Variants in NRXN1 observed in about 807,000 individuals in gnomAD.
NRXN1 encodes neurexin-1.
A neutral mutation model predicts 150.9 loss-of-function variants in NRXN1; 39 were observed. That is an observed-to-expected ratio of 0.26 (90% CI 0.20 to 0.34). The LOEUF (loss-of-function observed/expected upper bound fraction) is 0.34. NRXN1 is among the 10% of genes least tolerant of loss of function. The pLI is 1.00. For missense variants in NRXN1, 1,815 were observed against 1,949.9 expected, an observed-to-expected ratio of 0.93 and a Z score of 1.30; for synonymous variants, 924 against 757.0, an observed-to-expected ratio of 1.22 and a Z score of -3.62.
In NRXN1 at chr2:50,634,049, C is replaced by T. The variant is rs150880532; in HGVS notation, c.833-10434G>A. On this transcript the variant is annotated intron_variant, in intron 5 of 22. Transcript: ENST00000401669. ...CCAGTGAGCATTGAGCACAGTGACA[C>T]TGGGGCAATGTGGGAATACAATGAA... Among the ~76,000 whole-genome samples the T allele has an allele frequency of 2.3e-3, 349 of 152,278 alleles. 2 individuals are homozygous for T. Among genetic ancestry groups the T allele is most frequent in the African/African-American group, 8.0e-3 (333 of 41,564 alleles).
chr2:50,033,426 G>T (rs1449919666), intron 21 of NRXN1, among the ~76,000 whole-genome samples: 1 of 152,098 alleles, frequency 6.6e-6, no homozygotes, highest in African/African-American at 2.4e-5. Flanking sequence ...CTAGCCATAT[G>T]AAGAAGATTG....
At chr2:50,199,414 T>C (rs893788240) in intron 18 of NRXN1, 1 of 152,050 alleles carries the variant, frequency 6.6e-6, no homozygotes, top group Non-Finnish European at 1.5e-5. Flanking sequence ...CCCACCAAAA[T>C]ATAATTTGCT....
intron 21 of NRXN1, among the ~76,000 whole-genome samples, chr2:50,042,693 C>CA: frequency 3.2e-3 from 1 of 316 alleles, no homozygotes; most frequent in African/African-American, 0.013. Context: ...AGCATACACA[C>CA]ATTAAGACAA....
chr2:50,936,705 C>T (rs1314259035), intron 2 of NRXN1, among the ~76,000 whole-genome samples: 2 of 151,988 alleles, frequency 1.3e-5, no homozygotes, highest in Non-Finnish European at 2.9e-5. Context: ...AAAGTGTCAT[C>T]GTTTTTTTAA....
At chr2:50,259,702 G>A (rs1373608263) in intron 17 of NRXN1, among the ~76,000 whole-genome samples, 2 of 151,642 alleles carry the variant, frequency 1.3e-5, no homozygotes, top group Non-Finnish European at 2.9e-5. Flanking sequence ...CACATGAATT[G>A]GCTTTATCTG....
intron 8 of NRXN1, among the ~76,000 whole-genome samples, chr2:50,577,489 T>C (rs569887802): frequency 6.6e-6 from 1 of 152,244 alleles, no homozygotes; most frequent in African/African-American, 2.4e-5. Flanking sequence ...TAAGATCACA[T>C]TATATATGGA....
intron 17 of NRXN1, among the ~76,000 whole-genome samples, chr2:50,329,100 A>G (rs956464357): frequency 6.6e-6 from 1 of 152,212 alleles, no homozygotes; most frequent in Admixed American, 6.5e-5. Context: ...CTAAACATTA[A>G]TAGCACCATA....
intron 17 of NRXN1, among the ~76,000 whole-genome samples, chr2:50,251,335 T>C (rs1408835358): frequency 6.6e-6 from 1 of 150,508 alleles, no homozygotes; most frequent in Non-Finnish European, 1.5e-5. Context: ...TCCAGCTCCA[T>C]CCATGTCTCT....
intron 5 of NRXN1, among the ~76,000 whole-genome samples, chr2:50,754,431 A>G (rs1013725857): frequency 6.6e-6 from 1 of 151,878 alleles, no homozygotes; most frequent in Non-Finnish European, 1.5e-5. Context: ...TTGATTCCTT[A>G]TCTTCTAAAA....
chr2:50,342,868 C>T (rs912447550), intron 17 of NRXN1, among the ~76,000 whole-genome samples: 1 of 152,226 alleles, frequency 6.6e-6, no homozygotes, highest in African/African-American at 2.4e-5. Context: ...CATCTGGCTC[C>T]GTCTTTTGGC....
chr2:50,984,426 T>A (rs1007197292), intron 2 of NRXN1, among the ~76,000 whole-genome samples: 1 of 152,046 alleles, frequency 6.6e-6, no homozygotes, highest in Non-Finnish European at 1.5e-5. Flanking sequence ...AATATTTATG[T>A]GGTCCATTAC....
chr2:50,701,477 C>A (rs1228602232), intron 5 of NRXN1, among the ~76,000 whole-genome samples: 1 of 152,156 alleles, frequency 6.6e-6, no homozygotes, highest in Non-Finnish European at 1.5e-5. Flanking sequence ...GAAAATTAAA[C>A]CTTTTGCCTA....
chr2:49,945,287 A>G (rs1672693762), intron 21 of NRXN1: 1 of 152,056 alleles, frequency 6.6e-6, no homozygotes, highest in Non-Finnish European at 1.5e-5. Context: ...TTTATTGACA[A>G]AGTTATTCAT....
intron 10 of NRXN1, among the ~76,000 whole-genome samples, chr2:50,535,160 G>A (rs148960780): frequency 1.3e-3 from 201 of 152,258 alleles, no homozygotes; most frequent in African/African-American, 4.6e-3. Flanking sequence ...CCAAATAAAT[G>A]GTAAACAACA....
Position 50,971,257 on chromosome 2 carries a change from T to C in NRXN1, c.773-45302A>G, listed in dbSNP as rs1000727167. ...AAACATAATGCTTGTTAGTGTCAAG[T>C]GGCTGAAATTCGATGATTCCAATTT... On this transcript the variant is annotated intron_variant, in intron 2 of 22. Transcript: ENST00000401669. Among the ~76,000 whole-genome samples the C allele has an allele frequency of 3.9e-5, 6 of 152,242 alleles. No homozygotes were observed. The East Asian group carries it at 1.2e-3, about 29-fold the overall frequency.
rs189311945 is a variant in NRXN1, at chr2:50,992,575, A to G, written c.772+34927T>C. ...CCTATTATGACAATAAGCTGTTGGC[A>G]GGACCTGAAAGAAATCAGGGAGGGC... On this transcript the variant is annotated intron_variant, in intron 2 of 22. Coordinates refer to ENST00000401669, the MANE Select transcript of NRXN1 (RefSeq NM_001330078.2). Among the ~76,000 whole-genome samples, 219 of 152,130 alleles carry G rather than the reference A, an allele frequency of 1.4e-3. 2 individuals are homozygous for G. Among genetic ancestry groups the G allele is most frequent in the Middle Eastern group, 6.8e-3 (2 of 294 alleles).
At chr2:50,492,635 T>C (rs557776170) in intron 15 of NRXN1, among the ~76,000 whole-genome samples, 62 of 152,188 alleles carry the variant, frequency 4.1e-4, no homozygotes, top group Non-Finnish European at 7.2e-4. Context: ...CCGGGTCCTA[T>C]GCAGCATGTT....
intron 5 of NRXN1, among the ~76,000 whole-genome samples, chr2:50,747,050 C>T (rs989254575): frequency 6.6e-6 from 1 of 152,030 alleles, no homozygotes; most frequent in African/African-American, 2.4e-5. Flanking sequence ...GAACCCAGTT[C>T]ATGTGCTTTT....
At chr2:50,555,647 CAA>C (rs1005335287) in intron 8 of NRXN1, among the ~76,000 whole-genome samples, 15 of 152,142 alleles carry the variant, frequency 9.9e-5, no homozygotes, top group Non-Finnish European at 4.4e-5. Flanking sequence ...TATAGTTGAA[CAA>C]AATTCTTCCT....
Sources: gnomAD v4.1 joint callset for allele counts (sites outside exome capture counted in the v4.1 genomes callset) on GRCh38, gnomAD v4.1.1 for gene constraint, MANE v1.5 for transcripts, NCBI Gene and HGNC (gene_info 2026-07-23, HGNC 2026-07-21) for gene names.